FBN2: variants seen among roughly 807,000 people sequenced by gnomAD.
FBN2 encodes the protein fibrillin 2, also known as fibrillin-2.
Under a neutral mutation model 355.6 loss-of-function variants are expected in FBN2, and 105 were observed. The observed-to-expected ratio is 0.30, with a 90% CI of 0.25 to 0.35. FBN2 has a LOEUF of 0.35. Ranked by LOEUF, FBN2 falls within the 10% of genes least tolerant of loss-of-function variation. The pLI is 1.00. For synonymous variants in FBN2, 1,350 were observed against 1,301.2 expected (o/e 1.04, Z -0.81); for missense variants, 3,280 against 3,758.7 (o/e 0.87, Z 3.33).
At chr5:128,335,098 C>A in intron 30 of FBN2, 72 bp downstream of exon 30, 1 of 1,594,338 alleles carries the variant, frequency 6.3e-7, no homozygotes, top group Non-Finnish European at 8.6e-7. Context: ...TTCCTTTTAT[C>A]ACGCTTGTGT....
At chr5:128,463,756 T>C (rs1754621847) in intron 6 of FBN2, among the ~76,000 whole-genome samples, 4 of 152,190 alleles carry the variant, frequency 2.6e-5, no homozygotes, top group Admixed American at 1.3e-4. Context: ...GCCCAATAGA[T>C]AACATCTTCA....
chr5:128,302,505 T>G (rs1749745761), intron 46 of FBN2, among the ~76,000 whole-genome samples: 1 of 152,150 alleles, frequency 6.6e-6, no homozygotes, highest in Non-Finnish European at 1.5e-5. Context: ...ATTATTTTTG[T>G]GGGGAAAGGC....
At chr5:128,425,148 A>G (rs1190537898) in intron 7 of FBN2, among the ~76,000 whole-genome samples, 1 of 152,080 alleles carries the variant, frequency 6.6e-6, no homozygotes, top group Non-Finnish European at 1.5e-5. Flanking sequence ...CTTAAAACAT[A>G]GACCTTTAAG....
At chr5:128,455,350 A>G (rs1754351920) in intron 6 of FBN2, among the ~76,000 whole-genome samples, 1 of 152,218 alleles carries the variant, frequency 6.6e-6, no homozygotes, top group Non-Finnish European at 1.5e-5. Context: ...AAGAAAGTAG[A>G]TTAAATGTGG....
chr5:128,533,124 A>G (rs1461527500), intron 2 of FBN2, among the ~76,000 whole-genome samples: 1 of 152,252 alleles, frequency 6.6e-6, no homozygotes, highest in East Asian at 1.9e-4. Context: ...GTTTCCTGCC[A>G]TGGAGTTGAC....
Position 128,333,054 on chromosome 5 carries a change from A to T in FBN2, c.4100-20T>A. 1 of 1,605,070 alleles carries T rather than the reference A, an allele frequency of 6.2e-7. No individual in the cohort carries two copies. On this transcript the variant is annotated intron_variant, in intron 31 of 64. Coordinates refer to ENST00000262464, the MANE Select transcript of FBN2 (RefSeq NM_001999.4). ...CCACATCTGATAAACCATAATTCAT[A>T]AGAAGAAAATCAAAATACAAACTAA...
intron 55 of FBN2, among the ~76,000 whole-genome samples, chr5:128,285,394 A>C (rs1749120189): frequency 6.6e-6 from 1 of 152,206 alleles, no homozygotes; most frequent in African/African-American, 2.4e-5. Context: ...ATGATCAAAA[A>C]AATTTTGCAG....
chr5:128,534,662 C>T (rs1199876200), intron 2 of FBN2, among the ~76,000 whole-genome samples: 1 of 152,158 alleles, frequency 6.6e-6, no homozygotes, highest in Non-Finnish European at 1.5e-5. Flanking sequence ...ATGCAGATTA[C>T]AATAGTCACT....
At chr5:128,368,383 T>G (rs1036519433) in intron 16 of FBN2, among the ~76,000 whole-genome samples, 1 of 149,750 alleles carries the variant, frequency 6.7e-6, no homozygotes, top group African/African-American at 2.4e-5. Context: ...AAGATATATA[T>G]ATAGAGAGAG....
At chr5:128,504,406 A>T (rs1755898896) in intron 5 of FBN2, among the ~76,000 whole-genome samples, 1 of 152,106 alleles carries the variant, frequency 6.6e-6, no homozygotes. Flanking sequence ...GGCACTCAAC[A>T]CCAGCCCATG....
rs547009416 is a variant in FBN2, at chr5:128,429,903, T to G, written c.952+16578A>C. Reference sequence around the variant, plus strand: ...GGTTTCACTAAAGCTAAATGAGAACTTTTTTCTTTTGCAAATTTCAAGTTT... The same window carrying G: ...GGTTTCACTAAAGCTAAATGAGAACGTTTTTCTTTTGCAAATTTCAAGTTT... On this transcript the variant is annotated intron_variant, in intron 7 of 64. Transcript: ENST00000262464. Among the ~76,000 whole-genome samples the G allele has an allele frequency of 1.4e-4, 22 of 152,290 alleles. No homozygotes were observed. The South Asian group carries it at 4.6e-3, about 32-fold the overall frequency.
At chr5:128,511,296 A>C (rs1321709036) in intron 5 of FBN2, among the ~76,000 whole-genome samples, 2 of 152,182 alleles carry the variant, frequency 1.3e-5, no homozygotes, top group Non-Finnish European at 2.9e-5. Flanking sequence ...TCCTCTACTC[A>C]GTGCCTACTT....
intron 31 of FBN2, among the ~76,000 whole-genome samples, chr5:128,333,851 A>G (rs1750760014): frequency 8.5e-6 from 1 of 118,030 alleles, no homozygotes; most frequent in Admixed American, 9.1e-5. Flanking sequence ...ACACACACAC[A>G]CACACACACA....
chr5:128,391,878 A>G lies in FBN2; in HGVS notation c.1603+140T>C, dbSNP rs2126977047. ...CATAGGTTAAGGGGGCACACTGAATAGCATACACACAGAAGAGACAGTTTG... is the reference window on the plus strand; with the variant it reads ...CATAGGTTAAGGGGGCACACTGAATGGCATACACACAGAAGAGACAGTTTG... On this transcript the variant is annotated intron_variant, in intron 11 of 64. Transcript: ENST00000262464. 8.1e-6 allele frequency: 6 copies of G among 743,020 alleles called. No homozygotes were observed. The South Asian group carries it at 8.2e-5, about 10-fold the overall frequency. The allele number at this position is 743,020 out of a possible 1,614,324, so 46.0% of individuals were successfully genotyped here. A position where few individuals can be genotyped will look rare whatever the true frequency, so the allele number is the denominator to read the frequency against.
In FBN2 at chr5:128,290,848, T is replaced by C. The variant is rs1016100479; in HGVS notation, c.6329A>G (p.Asn2110Ser). 2.0e-5 allele frequency: 32 copies of C among 1,613,980 alleles called. No individual in the cohort carries two copies. The highest frequency in any genetic ancestry group is 5.3e-5 in the African/African-American group (4 of 74,920). The stretch of plus-strand genomic sequence containing the variant: ...AGCTTTGGGTACAGAACACTTTCCA[T>C]TTTCAAAATTTGTGAAGCAGAAGCT... ...RQSFCFTNFENGKCSVPKAFN... is the reference protein window; with the variant it reads ...RQSFCFTNFESGKCSVPKAFN... The change falls in exon 50 of 65, where the codon AAT (asparagine) becomes AGT (serine). Residue 2110 changes from asparagine to serine, a missense_variant. Physicochemically the swap from Asn to Ser is conservative, Grantham distance 46. This residue lies in a region of FBN2 where 2,284 missense variants were observed against 2,749.5 expected (regional missense o/e 0.83). Coordinates refer to ENST00000262464, the MANE Select transcript of FBN2 (RefSeq NM_001999.4).
At chr5:128,519,575 T>G (rs2112788040) in intron 4 of FBN2, among the ~76,000 whole-genome samples, 1 of 152,214 alleles carries the variant, frequency 6.6e-6, no homozygotes, top group Non-Finnish European at 1.5e-5. Context: ...AAAACTTACA[T>G]ACTTCATGTA....
chr5:128,468,696 AT>A (rs1450358232), intron 5 of FBN2, among the ~76,000 whole-genome samples: 5 of 152,198 alleles, frequency 3.3e-5, no homozygotes, highest in Non-Finnish European at 5.9e-5. Context: ...TTGCTTGGGA[AT>A]TTTGCTGTAA....
At chr5:128,313,304 A>C (rs1033059369) in intron 36 of FBN2, among the ~76,000 whole-genome samples, 1 of 152,136 alleles carries the variant, frequency 6.6e-6, no homozygotes, top group South Asian at 2.1e-4. Flanking sequence ...TATGGGTTTA[A>C]ATACTACTTT....
rs1192094238 is a variant in FBN2, at chr5:128,376,910, T to C, written c.1850-57A>G. ...TGGCCTTGAGGGAACCAATTCCTTCTTCTTCCATAAACAACCCCCAGTCAA... is the reference window on the plus strand; with the variant it reads ...TGGCCTTGAGGGAACCAATTCCTTCCTCTTCCATAAACAACCCCCAGTCAA... On this transcript the variant is annotated intron_variant, in intron 13 of 64. Transcript: ENST00000262464. 3.1e-6 allele frequency: 5 copies of C among 1,604,196 alleles called. No homozygotes were observed. In the Admixed American group the frequency reaches 8.4e-5, roughly 27 times the overall value.
Sources: allele counts gnomAD v4.1 joint callset (sites outside exome capture counted in the v4.1 genomes callset), GRCh38; gene constraint gnomAD v4.1.1; regional missense constraint gnomAD v4.1.1; transcripts MANE v1.5; gene names NCBI Gene and HGNC (gene_info 2026-07-23, HGNC 2026-07-21).